The following UST variants were observed in gnomAD, a reference collection of about 807,000 sequenced individuals.
UST encodes uronyl 2-sulfotransferase, also known as chondroitin sulfate 2-O-sulfotransferase.
In UST, 21 loss-of-function variants were observed where a neutral mutation model predicts 45.6. The observed-to-expected ratio is 0.46, with a 90% CI of 0.33 to 0.66. The LOEUF (loss-of-function observed/expected upper bound fraction) is 0.66. UST is among the 30% of genes least tolerant of loss of function. The pLI is 0.02. For missense variants in UST, 463 were observed against 512.4 expected, an observed-to-expected ratio of 0.90 and a Z score of 0.93; for synonymous variants, 215 against 200.6, an observed-to-expected ratio of 1.07 and a Z score of -0.61.
intron 5 of UST, among the ~76,000 whole-genome samples, chr6:149,000,634 G>C (rs1781530493): frequency 6.6e-6 from 1 of 152,140 alleles, no homozygotes; most frequent in Non-Finnish European, 1.5e-5. Context: ...CACTCCAGAT[G>C]GCTTTAAGGA....
chr6:148,784,781 A>G (rs953894552), intron 1 of UST, among the ~76,000 whole-genome samples: 4 of 152,258 alleles, frequency 2.6e-5, no homozygotes, highest in Non-Finnish European at 5.9e-5. Flanking sequence ...TAGAAACAAT[A>G]GACTGGTAAA....
At chr6:148,796,349 T>C (rs4897050) in intron 1 of UST, among the ~76,000 whole-genome samples, 124,357 of 152,168 alleles carry the variant, frequency 0.82, 50,995 homozygotes, top group East Asian at 1. Flanking sequence ...TAATTCAAAT[T>C]GTAGGTTCAG....
chr6:149,000,877 T>C (rs1266177388), intron 5 of UST, among the ~76,000 whole-genome samples: 3 of 151,800 alleles, frequency 2.0e-5, no homozygotes, highest in African/African-American at 4.8e-5. Flanking sequence ...ATTTAGAAAA[T>C]AGTCAAGAGG....
intron 1 of UST, among the ~76,000 whole-genome samples, chr6:148,821,207 G>A (rs9968961): frequency 0.75 from 114,199 of 151,294 alleles, 43,752 homozygotes; most frequent in East Asian, 0.98. Context: ...CTGACCTCAG[G>A]TGATCCACCT....
intron 1 of UST, among the ~76,000 whole-genome samples, chr6:148,865,541 G>C (rs1304837613): frequency 1.3e-5 from 2 of 152,200 alleles, no homozygotes; most frequent in Non-Finnish European, 2.9e-5. Flanking sequence ...AAGAGAGAGA[G>C]AGAGAGAGAA....
chr6:148,939,168 AAAC>A (rs1258978225), intron 2 of UST, among the ~76,000 whole-genome samples: 8 of 152,320 alleles, frequency 5.3e-5, no homozygotes, highest in African/African-American at 1.9e-4. Flanking sequence ...TGAGCAATGA[AAAC>A]AACAAAACAT....
chr6:148,939,328 G>A (rs1204373961), intron 2 of UST, among the ~76,000 whole-genome samples: 2 of 151,948 alleles, frequency 1.3e-5, no homozygotes, highest in Non-Finnish European at 2.9e-5. Context: ...TACTTTTTTG[G>A]GCAGATATTA....
chr6:148,799,358 T>G (rs552382579), intron 1 of UST, among the ~76,000 whole-genome samples: 2 of 152,326 alleles, frequency 1.3e-5, no homozygotes, highest in South Asian at 4.1e-4. Flanking sequence ...CTCAGCTCCC[T>G]GATGGCCAAG....
chr6:148,915,206 T>C (rs1319675235), intron 2 of UST, among the ~76,000 whole-genome samples: 1 of 152,166 alleles, frequency 6.6e-6, no homozygotes. Flanking sequence ...GCAGATTAAA[T>C]TGGACTACAT....
At chr6:148,871,143 TCTCC>T (rs1278608868) in intron 1 of UST, among the ~76,000 whole-genome samples, 1 of 147,308 alleles carries the variant, frequency 6.8e-6, no homozygotes, top group African/African-American at 2.5e-5. Context: ...TCTCTCTCTC[TCTCC>T]CTCTCTCCCT....
chr6:148,964,428 T>G lies in UST; in HGVS notation c.546T>G (p.Pro182=). 2 of 1,614,212 alleles carry G rather than the reference T, an allele frequency of 1.2e-6. No individual in the cohort carries two copies. The highest frequency in any genetic ancestry group is 1.7e-6 in the Non-Finnish European group (2 of 1,180,036). Residue 182 remains proline, a synonymous_variant, in exon 5 of 8, where the codon CCT becomes CCG. Transcript: ENST00000367463. The part of the protein sequence containing the change: ...LNFSRFGGDQ[P]VYINIIRDPV... ...GTGTTAGGTTTGGAGGAGACCAGCCTGTCTACATCAACATCATTAGAGACC... is the reference window on the plus strand; with the variant it reads ...GTGTTAGGTTTGGAGGAGACCAGCCGGTCTACATCAACATCATTAGAGACC...
At chr6:148,893,000 TC>T (rs1779049941) in intron 2 of UST, among the ~76,000 whole-genome samples, 3 of 152,158 alleles carry the variant, frequency 2.0e-5, no homozygotes, top group Non-Finnish European at 2.9e-5. Flanking sequence ...TTGTAATATC[TC>T]TAAGAAAGAA....
Position 148,972,717 on chromosome 6 carries a change from G to T in UST, c.681+8154G>T, listed in dbSNP as rs532265819. Among the ~76,000 whole-genome samples, 16 of 152,374 alleles carry T rather than the reference G, an allele frequency of 1.1e-4. No individual in the cohort carries two copies. The South Asian group carries it at 3.3e-3, about 32-fold the overall frequency. ...GGAGCTGCTGCAGCTGTGTCCCGCCGCTGGCGCTCAGCGCTGCACCCCTAC... is the reference window on the plus strand; with the variant it reads ...GGAGCTGCTGCAGCTGTGTCCCGCCTCTGGCGCTCAGCGCTGCACCCCTAC... On this transcript the variant is annotated intron_variant, in intron 5 of 7. Coordinates refer to ENST00000367463, the MANE Select transcript of UST (RefSeq NM_005715.3).
chr6:148,816,071 C>T (rs1323669767), intron 1 of UST, among the ~76,000 whole-genome samples: 2 of 152,176 alleles, frequency 1.3e-5, no homozygotes, highest in South Asian at 4.1e-4. Flanking sequence ...TTCTGCAACA[C>T]GGGATTGTTG....
chr6:148,989,610 G>T lies in UST; in HGVS notation c.681+25047G>T, dbSNP rs144353247. ...CAAAAGTGCCAAAGGAGATCATATA[G>T]GTCCCCAACTCTGTCATGAGTCCTT... On this transcript the variant is annotated intron_variant, in intron 5 of 7. Coordinates refer to ENST00000367463, the MANE Select transcript of UST (RefSeq NM_005715.3). Among the ~76,000 whole-genome samples, 300 of 152,306 alleles carry T rather than the reference G, an allele frequency of 2.0e-3. 1 individual carries two copies. The highest frequency in any genetic ancestry group is 6.8e-3 in the African/African-American group (284 of 41,560).
intron 2 of UST, among the ~76,000 whole-genome samples, chr6:148,915,334 G>A (rs548076736): frequency 2.8e-4 from 42 of 152,236 alleles, no homozygotes; most frequent in African/African-American, 7.9e-4. Context: ...ATATTTTTGC[G>A]TGTATGTCTT....
intron 1 of UST, among the ~76,000 whole-genome samples, chr6:148,837,148 A>G (rs1313117827): frequency 2.0e-5 from 3 of 152,188 alleles, no homozygotes; most frequent in Non-Finnish European, 4.4e-5. Flanking sequence ...GTGGCTTAAT[A>G]CATAATACCC....
At chr6:148,791,568 A>G (rs982739722) in intron 1 of UST, among the ~76,000 whole-genome samples, 6 of 152,222 alleles carry the variant, frequency 3.9e-5, no homozygotes, top group African/African-American at 1.4e-4. Context: ...TCTATTCTGT[A>G]ATCAGTACTG....
intron 1 of UST, among the ~76,000 whole-genome samples, chr6:148,751,835 C>T (rs1775998448): frequency 6.6e-6 from 1 of 152,140 alleles, no homozygotes; most frequent in African/African-American, 2.4e-5. Flanking sequence ...TATGATGCAG[C>T]CTTGCTGCCA....
Sources: gnomAD v4.1 joint callset for allele counts (sites outside exome capture counted in the v4.1 genomes callset) on GRCh38, gnomAD v4.1.1 for gene constraint, MANE v1.5 for transcripts, NCBI Gene and HGNC (gene_info 2026-07-23, HGNC 2026-07-21) for gene names.